The following ADGRL3 variants were observed in gnomAD, a reference collection of about 807,000 sequenced individuals.
ADGRL3 encodes the protein adhesion G protein-coupled receptor L3.
Under a neutral mutation model 153.5 loss-of-function variants are expected in ADGRL3, and 62 were observed. The ratio of observed to expected loss-of-function variants is 0.40; its 90% confidence interval spans 0.33 to 0.50. The LOEUF (loss-of-function observed/expected upper bound fraction) is 0.50, where lower values mean the gene tolerates loss of function less well. Ranked by LOEUF, ADGRL3 falls within the 20% of genes least tolerant of loss-of-function variation. The pLI, the probability that ADGRL3 is intolerant of heterozygous loss-of-function variation, is 0.47. For missense variants in ADGRL3, 1,641 were observed against 1,859.4 expected (o/e 0.88, Z 2.16); for synonymous variants, 710 against 672.5 (o/e 1.06, Z -0.86).
At chr4:61,386,466 A>G (rs1320048258) in intron 2 of ADGRL3, among the ~76,000 whole-genome samples, 1 of 152,164 alleles carries the variant, frequency 6.6e-6, no homozygotes, top group African/African-American at 2.4e-5. Context: ...AAGATTTGTA[A>G]TAAATTAACA....
At chr4:61,344,594 AAG>A (rs1477816771) in intron 1 of ADGRL3, among the ~76,000 whole-genome samples, 1 of 151,412 alleles carries the variant, frequency 6.6e-6, no homozygotes, top group Non-Finnish European at 1.5e-5. Context: ...TTTTCTTTTG[AAG>A]TTTCTTTTAC....
chr4:61,282,661 T>G (rs1286574657), intron 1 of ADGRL3, among the ~76,000 whole-genome samples: 1 of 152,024 alleles, frequency 6.6e-6, no homozygotes, highest in Non-Finnish European at 1.5e-5. Context: ...AGTAAATTCT[T>G]TCTTAGTTCC....
rs565953652 is a variant in ADGRL3, at chr4:62,057,247, A to G, written c.3815-10919A>G. 8.5e-5 allele frequency among the ~76,000 whole-genome samples: 13 copies of G among 152,280 alleles called. No individual in the cohort carries two copies. In the South Asian group the frequency reaches 1.7e-3, roughly 19 times the overall value. The stretch of plus-strand genomic sequence containing the variant: ...CCTTAGATTTCCAGTCCTCAGTTAC[A>G]TATATTACACTGAACCATCCCAGAC... On this transcript the variant is annotated intron_variant, in intron 25 of 26. Transcript: ENST00000683033.
intron 8 of ADGRL3, among the ~76,000 whole-genome samples, chr4:61,744,460 C>T (rs996779787): frequency 1.3e-5 from 2 of 152,022 alleles, no homozygotes; most frequent in Non-Finnish European, 2.9e-5. Flanking sequence ...CTGGGAGGCA[C>T]CCCCCAGTAG....
At chr4:61,724,758 G>T (rs1181229526) in intron 6 of ADGRL3, among the ~76,000 whole-genome samples, 1 of 152,072 alleles carries the variant, frequency 6.6e-6, no homozygotes, top group African/African-American at 2.4e-5. Context: ...AAAATTGAAT[G>T]AACTTCACAT....
chr4:61,401,079 A>T lies in ADGRL3; in HGVS notation c.-174+17890A>T, dbSNP rs558400623. On this transcript the variant is annotated intron_variant, in intron 2 of 26. Coordinates refer to ENST00000683033, the MANE Select transcript of ADGRL3 (RefSeq NM_001387552.1). Reference sequence around the variant, plus strand: ...GAAGGAAGATTCTTTTTTTTTTTAAAAAAAAGATTTTTTGAAAATGCAGTG... The same window carrying T: ...GAAGGAAGATTCTTTTTTTTTTTAATAAAAAGATTTTTTGAAAATGCAGTG... Among the ~76,000 whole-genome samples, 540 of 139,152 alleles carry T rather than the reference A, an allele frequency of 3.9e-3. 2 individuals are homozygous for T. The highest frequency in any genetic ancestry group is 7.1e-3 in the East Asian group (34 of 4,758). The allele number at this position is 139,152 out of a possible 152,430, so 91.3% of individuals were successfully genotyped here.
intron 1 of ADGRL3, among the ~76,000 whole-genome samples, chr4:61,274,019 AC>A (rs1253789286): frequency 6.6e-6 from 1 of 152,192 alleles, no homozygotes; most frequent in Non-Finnish European, 1.5e-5. Flanking sequence ...TGCTAAGGTG[AC>A]CTTTATCTTT....
At chr4:61,952,181 A>G (rs2098949548) in intron 17 of ADGRL3, among the ~76,000 whole-genome samples, 1 of 152,262 alleles carries the variant, frequency 6.6e-6, no homozygotes, top group Admixed American at 6.5e-5. Context: ...ATTGATCCAA[A>G]TAATTTCATC....
chr4:61,493,436 T>G (rs1206379823), intron 2 of ADGRL3, among the ~76,000 whole-genome samples: 2 of 152,224 alleles, frequency 1.3e-5, no homozygotes, highest in Admixed American at 6.5e-5. Flanking sequence ...AATAGAAATG[T>G]ACTTCCTTAT....
intron 8 of ADGRL3, among the ~76,000 whole-genome samples, chr4:61,749,658 A>G (rs1009057050): frequency 6.6e-6 from 1 of 151,692 alleles, no homozygotes; most frequent in African/African-American, 2.4e-5. Context: ...GAATTGAACA[A>G]TGAGAACACA....
chr4:61,830,917 T>C (rs1466651029), intron 9 of ADGRL3, among the ~76,000 whole-genome samples: 1 of 152,168 alleles, frequency 6.6e-6, no homozygotes, highest in Non-Finnish European at 1.5e-5. Context: ...TTTGAGACAG[T>C]CTTGCTGTGT....
chr4:61,555,839 A>G (rs1310567433), intron 4 of ADGRL3, among the ~76,000 whole-genome samples: 1 of 152,198 alleles, frequency 6.6e-6, no homozygotes, highest in Non-Finnish European at 1.5e-5. Flanking sequence ...TGATGTTGCC[A>G]TGGCATCTGT....
rs1275873740 is a variant in ADGRL3 at position 61,901,608 on chromosome 4, G to C, written c.1887+5774G>C. Among the ~76,000 whole-genome samples the C allele has an allele frequency of 2.0e-5, 3 of 152,258 alleles. No individual in the cohort carries two copies. In the East Asian group the frequency reaches 5.8e-4, roughly 29 times the overall value. Reference sequence around the variant, plus strand: ...CCTGACTCAGATTTATAGTAAAATAGACAGATCTTTCAAAGAAATGGTAGC... The same window carrying C: ...CCTGACTCAGATTTATAGTAAAATACACAGATCTTTCAAAGAAATGGTAGC... On this transcript the variant is annotated intron_variant, in intron 11 of 26. Transcript: ENST00000683033.
chr4:61,903,884 C>T (rs904553571), intron 11 of ADGRL3, among the ~76,000 whole-genome samples: 1 of 151,728 alleles, frequency 6.6e-6, no homozygotes, highest in Non-Finnish European at 1.5e-5. Flanking sequence ...ACAATTCTCC[C>T]ACCTCAACCC....
chr4:61,407,394 A>T (rs1029322652), intron 2 of ADGRL3, among the ~76,000 whole-genome samples: 4 of 152,112 alleles, frequency 2.6e-5, no homozygotes, highest in African/African-American at 9.6e-5. Flanking sequence ...TTTAAAACTT[A>T]AATAAAGTCT....
chr4:61,379,851 G>T (rs1483707856), intron 1 of ADGRL3, among the ~76,000 whole-genome samples: 1 of 151,902 alleles, frequency 6.6e-6, no homozygotes, highest in Non-Finnish European at 1.5e-5. Flanking sequence ...TTGATTTTGG[G>T]AAGTTTATTT....
chr4:61,499,485 T>A (rs1474861088), intron 3 of ADGRL3, among the ~76,000 whole-genome samples: 1 of 152,224 alleles, frequency 6.6e-6, no homozygotes, highest in Non-Finnish European at 1.5e-5. Flanking sequence ...TAAAGATGAC[T>A]TAAATTAGAT....
intron 2 of ADGRL3, among the ~76,000 whole-genome samples, chr4:61,414,401 C>A (rs555075580): frequency 1.3e-5 from 2 of 152,116 alleles, no homozygotes; most frequent in African/African-American, 4.8e-5. Context: ...GAACAGTGGA[C>A]CTGAAATTTG....
chr4:61,391,768 T>C (rs1311430428), intron 2 of ADGRL3, among the ~76,000 whole-genome samples: 1 of 152,074 alleles, frequency 6.6e-6, no homozygotes, highest in Admixed American at 6.5e-5. Context: ...TTTTGTTAAT[T>C]TTTTTAACAC....
Sources: allele counts gnomAD v4.1 joint callset (sites outside exome capture counted in the v4.1 genomes callset), GRCh38; gene constraint gnomAD v4.1.1; transcripts MANE v1.5; gene names NCBI Gene and HGNC (gene_info 2026-07-23, HGNC 2026-07-21).